HSF2BP: variants seen among roughly 807,000 people sequenced by gnomAD.
HSF2BP encodes the protein heat shock factor 2-binding protein.
A neutral mutation model predicts 35.0 loss-of-function variants in HSF2BP; 35 were observed. That is an observed-to-expected ratio of 1.00 (90% CI 0.76 to 1.32). The LOEUF is 1.32. Among genes scored for constraint, HSF2BP ranks in the 40% most tolerant of loss-of-function variants. HSF2BP has a pLI of 0.00. For synonymous variants in HSF2BP, 114 were observed against 117.4 expected (o/e 0.97, Z 0.18); for missense variants, 326 against 321.7 (o/e 1.01, Z -0.10).
chr21:43,630,775 T>C (rs1225909023), intron 5 of HSF2BP, among the ~76,000 whole-genome samples: 1 of 152,166 alleles, frequency 6.6e-6, no homozygotes, highest in Non-Finnish European at 1.5e-5. Flanking sequence ...CTATTTGCTC[T>C]GGGCATTAAA....
chr21:43,574,364 C>CTTT (rs113806687), intron 8 of HSF2BP, among the ~76,000 whole-genome samples: 2 of 147,044 alleles, frequency 1.4e-5, no homozygotes, highest in Admixed American at 6.8e-5. Context: ...TTCTTTTTCT[C>CTTT]TTTTTTTTTT....
chr21:43,648,603 C>G (rs761420024), intron 3 of HSF2BP, among the ~76,000 whole-genome samples: 4 of 152,250 alleles, frequency 2.6e-5, no homozygotes, highest in Middle Eastern at 3.2e-3. Flanking sequence ...ATGTGACACA[C>G]TCTTCATGTT....
intron 4 of HSF2BP, among the ~76,000 whole-genome samples, chr21:43,634,123 G>C (rs2082521063): frequency 6.6e-6 from 1 of 152,212 alleles, no homozygotes; most frequent in African/African-American, 2.4e-5. Context: ...CAGCAAGCCA[G>C]TGCCAGTCTA....
At chr21:43,633,019 A>C (rs182271470) in intron 5 of HSF2BP, among the ~76,000 whole-genome samples, 88 of 152,296 alleles carry the variant, frequency 5.8e-4, no homozygotes, top group African/African-American at 2.0e-3. Flanking sequence ...AACACATGTA[A>C]AGTATTAATA....
chr21:43,592,181 G>A (rs750640562), intron 8 of HSF2BP, 44 bp downstream of exon 8: 3 of 1,326,614 alleles, frequency 2.3e-6, no homozygotes, highest in Non-Finnish European at 3.3e-6. Context: ...GAGGACTACT[G>A]CATAACCCGT....
chr21:43,653,167 G>A (rs2082814608), intron 3 of HSF2BP, among the ~76,000 whole-genome samples: 1 of 127,994 alleles, frequency 7.8e-6, no homozygotes, highest in Non-Finnish European at 1.6e-5. Context: ...GACACAGAGA[G>A]AGAGAGAGAG....
intron 5 of HSF2BP, among the ~76,000 whole-genome samples, chr21:43,630,779 C>T (rs2082445927): frequency 6.6e-6 from 1 of 151,644 alleles, no homozygotes; most frequent in African/African-American, 2.4e-5. Context: ...TTGCTCTGGG[C>T]ATTAAACCAG....
chr21:43,641,385 C>G (rs191356906), intron 4 of HSF2BP, among the ~76,000 whole-genome samples: 15 of 152,152 alleles, frequency 9.9e-5, no homozygotes, highest in African/African-American at 3.6e-4. Flanking sequence ...GGACTCTTTC[C>G]TGGCCCAGCC....
At chr21:43,651,274 C>A (rs893343788) in intron 3 of HSF2BP, among the ~76,000 whole-genome samples, 2 of 152,190 alleles carry the variant, frequency 1.3e-5, no homozygotes, top group Non-Finnish European at 2.9e-5. Context: ...ATGAGGTAAG[C>A]ATTACTGTCC....
At chr21:43,623,881 A>G (rs2082359504) in intron 6 of HSF2BP, among the ~76,000 whole-genome samples, 1 of 152,226 alleles carries the variant, frequency 6.6e-6, no homozygotes, top group African/African-American at 2.4e-5. Flanking sequence ...AGGAGGTTCA[A>G]CCACAATGGG....
Position 43,644,825 on chromosome 21 carries a change from C to A in HSF2BP, c.188-433G>T, listed in dbSNP as rs576231463. On this transcript the variant is annotated intron_variant, in intron 3 of 8. Coordinates refer to ENST00000291560, the MANE Select transcript of HSF2BP (RefSeq NM_007031.2). ...TGATTCACAAAGCTAGTGTCACCCA[C>A]TGGCAGACTGACTCAATGGGAACAA... Among the ~76,000 whole-genome samples, 7 of 152,328 alleles carry A rather than the reference C, an allele frequency of 4.6e-5. No homozygotes were observed. The South Asian group carries it at 1.5e-3, about 32-fold the overall frequency.
intron 4 of HSF2BP, among the ~76,000 whole-genome samples, chr21:43,637,880 G>A (rs144511693): frequency 6.6e-6 from 1 of 151,700 alleles, no homozygotes; most frequent in Non-Finnish European, 1.5e-5. Flanking sequence ...TTTTATAAAC[G>A]CATCTGCAAA....
chr21:43,604,987 AC>A (rs2146869440), intron 7 of HSF2BP, among the ~76,000 whole-genome samples: 1 of 143,746 alleles, frequency 7.0e-6, no homozygotes, highest in East Asian at 2.2e-4. Flanking sequence ...CACACATCAC[AC>A]ATCACACCAC....
intron 7 of HSF2BP, among the ~76,000 whole-genome samples, chr21:43,594,542 A>C (rs2081962538): frequency 6.6e-6 from 1 of 152,226 alleles, no homozygotes; most frequent in Non-Finnish European, 1.5e-5. Context: ...AGGGGCTATC[A>C]CTGAAAGAAA....
intron 6 of HSF2BP, among the ~76,000 whole-genome samples, chr21:43,621,896 G>T (rs1349632597): frequency 6.6e-6 from 1 of 152,084 alleles, no homozygotes; most frequent in Non-Finnish European, 1.5e-5. Context: ...CTGTACTCAT[G>T]ATGTGCAATC....
chr21:43,607,275 G>T (rs1279675952), intron 7 of HSF2BP, among the ~76,000 whole-genome samples: 2 of 150,892 alleles, frequency 1.3e-5, no homozygotes, highest in African/African-American at 4.9e-5. Context: ...GGGTAAAAGG[G>T]TGAGACCCTG....
chr21:43,604,119 C>G (rs1331507391), intron 7 of HSF2BP, among the ~76,000 whole-genome samples: 1 of 151,888 alleles, frequency 6.6e-6, no homozygotes, highest in African/African-American at 2.4e-5. Context: ...GGAGCAGGAG[C>G]GCTGGAAATA....
chr21:43,612,766 G>T (rs540824974), intron 7 of HSF2BP, among the ~76,000 whole-genome samples: 1 of 152,108 alleles, frequency 6.6e-6, no homozygotes, highest in African/African-American at 2.4e-5. Flanking sequence ...AGGAGTTTGA[G>T]GCCAGCCTAG....
At chr21:43,635,405 T>C (rs2082537917) in intron 4 of HSF2BP, among the ~76,000 whole-genome samples, 1 of 152,200 alleles carries the variant, frequency 6.6e-6, no homozygotes. Context: ...GTTAGAAGAC[T>C]AACAGTGCCT....
Sources: gnomAD v4.1 joint callset for allele counts (sites outside exome capture counted in the v4.1 genomes callset) on GRCh38, gnomAD v4.1.1 for gene constraint, MANE v1.5 for transcripts, NCBI Gene and HGNC (gene_info 2026-07-23, HGNC 2026-07-21) for gene names.